The following PTPRN2 variants were observed in gnomAD, a reference collection of about 807,000 sequenced individuals.
PTPRN2 encodes the protein protein tyrosine phosphatase receptor type N2.
In PTPRN2, 74 loss-of-function variants were observed where a neutral mutation model predicts 118.8. The ratio of observed to expected loss-of-function variants is 0.62; its 90% CI spans 0.52 to 0.76. The LOEUF (loss-of-function observed/expected upper bound fraction) is 0.76, where lower values mean the gene tolerates loss of function less well. Among genes scored for constraint, PTPRN2 ranks in the 30% least tolerant of loss-of-function variants. PTPRN2 has a pLI of 0.00. For missense variants in PTPRN2, 1,481 were observed against 1,394.4 expected (o/e 1.06, Z -0.99); for synonymous variants, 641 against 608.0 (o/e 1.05, Z -0.80).
At chr7:157,601,097 G>A (rs991025280) in intron 16 of PTPRN2, among the ~76,000 whole-genome samples, 3 of 152,154 alleles carry the variant, frequency 2.0e-5, no homozygotes, top group Non-Finnish European at 2.9e-5. Flanking sequence ...TCAACTTGGT[G>A]TCCTCAGTAA....
rs549778968 is a variant in PTPRN2, at chr7:158,146,842, G to A, written c.911-8327C>T. Among the ~76,000 whole-genome samples, 55 of 152,110 alleles carry A rather than the reference G, an allele frequency of 3.6e-4. 4 individuals are homozygous for A. The highest frequency in any genetic ancestry group is 1.3e-3 in the African/African-American group (53 of 41,436). ...ACTAAAATGTTTTGGAGGCCAGAGA[G>A]ACTTGACCAATGGATAGAACAAGCA... On this transcript the variant is annotated intron_variant, in intron 6 of 22. Coordinates refer to ENST00000389418, the MANE Select transcript of PTPRN2 (RefSeq NM_002847.5).
chr7:158,260,286 C>G (rs1324127619), intron 3 of PTPRN2, among the ~76,000 whole-genome samples: 2 of 152,228 alleles, frequency 1.3e-5, no homozygotes, highest in Non-Finnish European at 2.9e-5. Context: ...CCCAAGTCAG[C>G]TAGCTTGACA....
chr7:158,070,337 G>T (rs1811132261), intron 11 of PTPRN2, among the ~76,000 whole-genome samples: 2 of 150,462 alleles, frequency 1.3e-5, no homozygotes, highest in Admixed American at 1.3e-4. Context: ...TGGTGTGGAG[G>T]TGCCCGTGGT....
chr7:157,845,636 G>A lies in PTPRN2; in HGVS notation c.1788+53037C>T, dbSNP rs1808751928. 6.6e-6 allele frequency among the ~76,000 whole-genome samples: 1 copy of A among 152,216 alleles called. No homozygotes were observed. On this transcript the variant is annotated intron_variant, in intron 12 of 22. Transcript: ENST00000389418. The surrounding 1 kb of genome is among the most constrained non-coding windows in gnomAD (Gnocchi z 4.5). ...TTGCATGGAGGAGCCACTTGCAGAT[G>A]CGGTAACCCACTGTGCGGCACAGAA...
At chr7:157,930,216 C>T (rs1445671969) in intron 11 of PTPRN2, among the ~76,000 whole-genome samples, 1 of 152,162 alleles carries the variant, frequency 6.6e-6, no homozygotes, top group Non-Finnish European at 1.5e-5. Flanking sequence ...CTAGAAGTCC[C>T]ACGCTTCTCC....
chr7:158,146,719 T>C (rs1315548518), intron 6 of PTPRN2, among the ~76,000 whole-genome samples: 1 of 122,496 alleles, frequency 8.2e-6, no homozygotes, highest in African/African-American at 3.2e-5. Flanking sequence ...AGACTCTGCC[T>C]CAAAAAAAAA....
At chr7:157,760,618 C>T (rs534285468) in intron 12 of PTPRN2, among the ~76,000 whole-genome samples, 1 of 152,258 alleles carries the variant, frequency 6.6e-6, no homozygotes, top group African/African-American at 2.4e-5. Context: ...CTCTTCTGGC[C>T]AGATCCAGCC....
At chr7:158,209,788 C>T (rs892856452) in intron 3 of PTPRN2, among the ~76,000 whole-genome samples, 3 of 152,156 alleles carry the variant, frequency 2.0e-5, no homozygotes, top group African/African-American at 4.8e-5. Context: ...ATAGCCCATA[C>T]ATTATGGCAA....
intron 12 of PTPRN2, among the ~76,000 whole-genome samples, chr7:157,876,767 T>A (rs1179853589): frequency 6.6e-6 from 1 of 152,130 alleles, no homozygotes; most frequent in Non-Finnish European, 1.5e-5. Flanking sequence ...GGCGGAGAAC[T>A]TTCTAAGAGG....
Position 157,576,502 on chromosome 7 carries a change from C to T in PTPRN2, c.2783+111G>A, listed in dbSNP as rs1225211088. 6.8e-6 allele frequency: 8 copies of T among 1,178,968 alleles called. No homozygotes were observed. The African/African-American group carries it at 7.9e-5, about 12-fold the overall frequency. The allele number at this position is 1,178,968 out of a possible 1,614,324, so 73.0% of individuals were successfully genotyped here. On this transcript the variant is annotated intron_variant, in intron 19 of 22. Coordinates refer to ENST00000389418, the MANE Select transcript of PTPRN2 (RefSeq NM_002847.5). Reference sequence around the variant, plus strand: ...TCCCTTCCCCTCCCCCCTGCGGCGCCGACACAGACGCGGCCCTCGGCGCCA... The same window carrying T: ...TCCCTTCCCCTCCCCCCTGCGGCGCTGACACAGACGCGGCCCTCGGCGCCA...
chr7:158,071,456 T>TGGAGGTGCTCGTGGTGGTG (rs1585337803), intron 11 of PTPRN2, among the ~76,000 whole-genome samples: 6 of 20,184 alleles, frequency 3.0e-4, no homozygotes, highest in Admixed American at 1.2e-3. Context: ...TGCTCGTGGT[T>TGGAGGTGCTCGTGGTGGTG]GAGGTGCTCG....
At chr7:158,505,788 C>T (rs901582359) in intron 1 of PTPRN2, among the ~76,000 whole-genome samples, 2 of 152,152 alleles carry the variant, frequency 1.3e-5, no homozygotes, top group African/African-American at 2.4e-5. Flanking sequence ...CCACCGTACA[C>T]GTGTATGCCA....
chr7:158,056,574 G>A (rs1440727535), intron 11 of PTPRN2, among the ~76,000 whole-genome samples: 3 of 152,226 alleles, frequency 2.0e-5, no homozygotes, highest in African/African-American at 7.2e-5. Flanking sequence ...ATGTTTTCGT[G>A]TGCATCCCGT....
chr7:158,327,250 C>A (rs1334945489), intron 2 of PTPRN2, among the ~76,000 whole-genome samples: 5 of 147,682 alleles, frequency 3.4e-5, no homozygotes, highest in African/African-American at 1.3e-4. Context: ...CATACATGCA[C>A]ACATTCTCAC....
In PTPRN2 at chr7:157,868,546, G is replaced by A. The variant is rs1482095471; in HGVS notation, c.1788+30127C>T. The A allele has an allele frequency of 1.3e-5, 2 of 152,182 alleles. No individual in the cohort carries two copies. The highest frequency in any genetic ancestry group is 2.4e-5 in the African/African-American group (1 of 41,432). 9.4% of individuals were successfully genotyped at this position (152,182 alleles called of 1,614,324 possible). A position where few individuals can be genotyped will look rare whatever the true frequency, so the allele number is the denominator to read the frequency against. On this transcript the variant is annotated intron_variant, in intron 12 of 22. Coordinates refer to ENST00000389418, the MANE Select transcript of PTPRN2 (RefSeq NM_002847.5). This position sits in a 1 kb window ranked among gnomAD's most constrained non-coding sequence, Gnocchi z 5.2. ...AGCAAAACTACCAATGCCAAGAACT[G>A]GTTAAATTTTTTAAAGGGAAGAAAG... is the stretch of plus-strand genomic sequence containing the variant.
chr7:158,139,764 A>G (rs1462772449), intron 6 of PTPRN2, among the ~76,000 whole-genome samples: 2 of 152,210 alleles, frequency 1.3e-5, no homozygotes, highest in African/African-American at 2.4e-5. Flanking sequence ...GACACCCTGC[A>G]TGTCCTGTAA....
intron 2 of PTPRN2, among the ~76,000 whole-genome samples, chr7:158,337,488 CTG>C (rs1805881946): frequency 8.1e-6 from 1 of 124,060 alleles, no homozygotes; most frequent in Non-Finnish European, 1.8e-5. Flanking sequence ...GAGGTGACAC[CTG>C]CAGACGTCAC....
chr7:158,101,529 A>G (rs2150347560), intron 10 of PTPRN2, among the ~76,000 whole-genome samples: 1 of 152,364 alleles, frequency 6.6e-6, no homozygotes, highest in African/African-American at 2.4e-5. Flanking sequence ...CTGGGACTTA[A>G]ACTAAAAAGT....
chr7:158,150,724 A>C (rs1477421480), intron 6 of PTPRN2, among the ~76,000 whole-genome samples: 1 of 151,716 alleles, frequency 6.6e-6, no homozygotes, highest in Non-Finnish European at 1.5e-5. Context: ...GATCATGGTG[A>C]TCTGCAAAGC....
Sources: gnomAD v4.1 joint callset for allele counts (sites outside exome capture counted in the v4.1 genomes callset) on GRCh38, gnomAD v4.1.1 for gene constraint, Gnocchi (gnomAD v3.1) non-coding constraint, MANE v1.5 for transcripts, NCBI Gene and HGNC (gene_info 2026-07-23, HGNC 2026-07-21) for gene names.